The following TENM2 variants were observed in gnomAD, a reference collection of about 807,000 sequenced individuals.
TENM2 encodes the protein teneurin-2.
In TENM2, 52 loss-of-function variants were observed where a neutral mutation model predicts 245.2. That is an observed-to-expected ratio of 0.21 (90% CI 0.17 to 0.27). The LOEUF (loss-of-function observed/expected upper bound fraction) is 0.27, where lower values mean the gene tolerates loss of function less well. TENM2 is among the 10% of genes least tolerant of loss of function. The pLI is 1.00. For missense variants in TENM2, 3,046 were observed against 3,666.8 expected (o/e 0.83, Z 4.37); for synonymous variants, 1,363 against 1,438.9 (o/e 0.95, Z 1.19).
At chr5:167,479,642 A>AGTTTTCATTTTCACTTTTCAAT (rs1767629695) in intron 2 of TENM2, among the ~76,000 whole-genome samples, 2 of 152,188 alleles carry the variant, frequency 1.3e-5, no homozygotes, top group Non-Finnish European at 2.9e-5. Flanking sequence ...TTGAACATAA[A>AGTTTTCATTTTCACTTTTCAAT]GTTTTCATTT....
intron 5 of TENM2, among the ~76,000 whole-genome samples, chr5:168,038,272 G>T (rs1284623336): frequency 1.3e-5 from 2 of 152,178 alleles, no homozygotes; most frequent in Non-Finnish European, 2.9e-5. Flanking sequence ...GATCACCATT[G>T]TTACAAAACA....
chr5:167,892,523 C>T (rs915237578), intron 3 of TENM2, among the ~76,000 whole-genome samples: 2 of 152,182 alleles, frequency 1.3e-5, no homozygotes, highest in Non-Finnish European at 2.9e-5. Flanking sequence ...GGAGAGCTTA[C>T]ACAGAATGGC....
chr5:168,203,944 A>G (rs1390013137), intron 18 of TENM2, 112 bp downstream of exon 20: 3 of 830,496 alleles, frequency 3.6e-6, no homozygotes, highest in Non-Finnish European at 5.1e-6. Flanking sequence ...TCATTTTTTC[A>G]TCAAGTGCCC....
chr5:167,051,376 G>A, the TENM2 span, among the ~76,000 whole-genome samples: 2 of 151,868 alleles, frequency 1.3e-5, no homozygotes, highest in Non-Finnish European at 2.9e-5. Flanking sequence ...ATTTTTTTAA[G>A]GTGTGATTTT....
intron 6 of TENM2, among the ~76,000 whole-genome samples, chr5:168,053,198 T>C (rs1789256042): frequency 6.6e-6 from 1 of 152,174 alleles, no homozygotes; most frequent in South Asian, 2.1e-4. Context: ...ACAACTCCCC[T>C]CATTTAGGAG....
At chr5:167,922,798 G>A (rs1777468698) in intron 3 of TENM2, among the ~76,000 whole-genome samples, 1 of 152,138 alleles carries the variant, frequency 6.6e-6, no homozygotes, top group African/African-American at 2.4e-5. Flanking sequence ...GCCTTACCTC[G>A]GTGTAAGCAG....
chr5:168,189,859 C>T (rs570889857), intron 13 of TENM2, among the ~76,000 whole-genome samples: 1 of 152,292 alleles, frequency 6.6e-6, no homozygotes, highest in East Asian at 1.9e-4. Flanking sequence ...CCTTCTGCTT[C>T]AGCCTCCCAA....
At chr5:167,171,675 G>T in the TENM2 span, among the ~76,000 whole-genome samples, 1 of 152,190 alleles carries the variant, frequency 6.6e-6, no homozygotes, top group South Asian at 2.1e-4. Context: ...GGCTGGGGAA[G>T]AGCACAGCCA....
intron 21 of TENM2, among the ~76,000 whole-genome samples, chr5:168,216,254 A>G (rs1264115784): frequency 4.6e-5 from 7 of 152,186 alleles, no homozygotes; most frequent in African/African-American, 1.7e-4. Context: ...CCCCTGGGGC[A>G]TTGAAGTGCT....
intron 7 of TENM2, chr5:168,085,539 G>A (rs1279482946): frequency 6.6e-6 from 1 of 152,282 alleles, no homozygotes; most frequent in Admixed American, 6.5e-5. Flanking sequence ...GAACTGAGCA[G>A]GGAGTCCTGA....
At chr5:167,308,751 C>G (rs559257472) in intron 1 of TENM2, among the ~76,000 whole-genome samples, 2 of 152,168 alleles carry the variant, frequency 1.3e-5, no homozygotes, top group Non-Finnish European at 2.9e-5. Context: ...GGGCTCTGCT[C>G]GTGGTGTTCT....
At chr5:166,983,947 T>C in the TENM2 span, among the ~76,000 whole-genome samples, 5 of 152,104 alleles carry the variant, frequency 3.3e-5, no homozygotes, top group Admixed American at 3.3e-4. Context: ...TACTATTACA[T>C]GAGTTTATGA....
At chr5:168,252,129 G>A (rs755128159) in intron 27 of TENM2, among the ~76,000 whole-genome samples, 5 of 152,188 alleles carry the variant, frequency 3.3e-5, no homozygotes, top group African/African-American at 7.2e-5. Context: ...TGTAATACCA[G>A]CACTTTGGGA....
intron 1 of TENM2, among the ~76,000 whole-genome samples, chr5:167,355,537 G>A (rs890621943): frequency 3.9e-5 from 6 of 152,298 alleles, no homozygotes; most frequent in Admixed American, 3.9e-4. Flanking sequence ...AACCCCTTGT[G>A]ACACAGGAAT....
intron 10 of TENM2, among the ~76,000 whole-genome samples, chr5:168,121,618 A>T (rs959431481): frequency 3.3e-5 from 5 of 152,202 alleles, no homozygotes; most frequent in African/African-American, 2.4e-5. Flanking sequence ...ATAATTCAGG[A>T]TAGAGAAGAG....
chr5:167,840,593 G>A (rs538549027), intron 2 of TENM2, among the ~76,000 whole-genome samples: 23 of 151,892 alleles, frequency 1.5e-4, no homozygotes, highest in Admixed American at 5.2e-4. Flanking sequence ...TCAGCAAACC[G>A]TCTAGAAGCC....
the TENM2 span, among the ~76,000 whole-genome samples, chr5:167,241,042 T>C: frequency 3.5e-3 from 527 of 152,118 alleles, 1 homozygote; most frequent in Middle Eastern, 0.024. Flanking sequence ...CCTTTCCCTT[T>C]AGAGTAAATC....
At chr5:167,782,309 GTC>G (rs1412800755) in intron 2 of TENM2, among the ~76,000 whole-genome samples, 14 of 55,422 alleles carry the variant, frequency 2.5e-4, no homozygotes, top group African/African-American at 3.9e-4. Context: ...GCAAAACTCT[GTC>G]TCAAAAAAAA....
At chr5:167,410,713 C>G (rs1428323309) in intron 2 of TENM2, among the ~76,000 whole-genome samples, 1 of 152,008 alleles carries the variant, frequency 6.6e-6, no homozygotes, top group East Asian at 1.9e-4. Context: ...AATGCAACTT[C>G]CCTGTCATTC....
Sources: allele counts gnomAD v4.1 joint callset (sites outside exome capture counted in the v4.1 genomes callset), GRCh38; gene constraint gnomAD v4.1.1; transcripts MANE v1.5; gene names NCBI Gene and HGNC (gene_info 2026-07-23, HGNC 2026-07-21).